SLC25A21: variants seen among roughly 807,000 people sequenced by gnomAD.
SLC25A21 encodes mitochondrial 2-oxodicarboxylate carrier.
A neutral mutation model predicts 43.8 loss-of-function variants in SLC25A21; 47 were observed. The ratio of observed to expected loss-of-function variants is 1.07; its 90% CI spans 0.85 to 1.37. The LOEUF (loss-of-function observed/expected upper bound fraction) is 1.37. Among genes scored for constraint, SLC25A21 ranks in the 40% most tolerant of loss-of-function variants. SLC25A21 has a pLI of 0.00. For missense variants in SLC25A21, 352 were observed against 350.2 expected, an observed-to-expected ratio of 1.00 and a Z score of -0.04; for synonymous variants, 131 against 121.3, an observed-to-expected ratio of 1.08 and a Z score of -0.52.
At chr14:37,042,578 A>G (rs1535239) in intron 1 of SLC25A21, among the ~76,000 whole-genome samples, 36,768 of 152,180 alleles carry the variant, frequency 0.24, 4,863 homozygotes, top group Non-Finnish European at 0.29. Flanking sequence ...AATATGTAAA[A>G]TATGTCTGTA....
chr14:37,079,058 T>G (rs1011005801), intron 1 of SLC25A21, among the ~76,000 whole-genome samples: 10 of 152,220 alleles, frequency 6.6e-5, no homozygotes, highest in African/African-American at 2.4e-4. Context: ...TAATAGTTTC[T>G]TTAAATCATC....
chr14:36,894,261 TG>T (rs1249653424), intron 1 of SLC25A21, among the ~76,000 whole-genome samples: 5 of 152,156 alleles, frequency 3.3e-5, no homozygotes, highest in African/African-American at 1.2e-4. Flanking sequence ...TCACATCCCT[TG>T]TAAGTTGGAT....
intron 3 of SLC25A21, among the ~76,000 whole-genome samples, chr14:36,767,512 T>C (rs1886459136): frequency 6.6e-6 from 1 of 152,222 alleles, no homozygotes; most frequent in Admixed American, 6.5e-5. Flanking sequence ...ATAAATTGTG[T>C]GGTACTTTGG....
intron 1 of SLC25A21, among the ~76,000 whole-genome samples, chr14:36,923,706 G>C (rs1030450657): frequency 2.6e-5 from 4 of 152,012 alleles, no homozygotes; most frequent in Non-Finnish European, 5.9e-5. Flanking sequence ...CCATGGGTTC[G>C]CATCCTCAGA....
chr14:36,824,011 G>A (rs1312706274), intron 2 of SLC25A21, among the ~76,000 whole-genome samples: 2 of 152,172 alleles, frequency 1.3e-5, no homozygotes, highest in Admixed American at 1.3e-4. Flanking sequence ...CCTGGGAACT[G>A]AGCCACTCTA....
At chr14:36,897,309 C>T (rs985572143) in intron 1 of SLC25A21, among the ~76,000 whole-genome samples, 1 of 152,154 alleles carries the variant, frequency 6.6e-6, no homozygotes, top group Admixed American at 6.5e-5. Flanking sequence ...TCACTGATAC[C>T]CTTTCTTCCA....
At chr14:37,083,554 A>G (rs2138841202) in intron 1 of SLC25A21, among the ~76,000 whole-genome samples, 1 of 152,344 alleles carries the variant, frequency 6.6e-6, no homozygotes, top group South Asian at 2.1e-4. Context: ...AAAGATGCGG[A>G]AAGGATATTT....
chr14:36,853,101 G>A (rs1354750292), intron 2 of SLC25A21, among the ~76,000 whole-genome samples: 1 of 152,104 alleles, frequency 6.6e-6, no homozygotes, highest in African/African-American at 2.4e-5. Flanking sequence ...AAGGAATTTG[G>A]CACTAAGACC....
chr14:36,905,008 C>T lies in SLC25A21; in HGVS notation c.71-30004G>A, dbSNP rs376415974. On this transcript the variant is annotated intron_variant, in intron 1 of 9. Coordinates refer to ENST00000331299, the MANE Select transcript of SLC25A21 (RefSeq NM_030631.4). The stretch of plus-strand genomic sequence containing the variant: ...TATTTAGATATGATTAGAATGAATC[C>T]TACTCCCTTCCAAAATAATTGTTAA... Among the ~76,000 whole-genome samples, 11 of 152,228 alleles carry T rather than the reference C, an allele frequency of 7.2e-5. No individual in the cohort carries two copies. The East Asian group carries it at 1.7e-3, about 24-fold the overall frequency.
intron 1 of SLC25A21, among the ~76,000 whole-genome samples, chr14:36,960,692 C>A (rs543428934): frequency 1.2e-3 from 184 of 152,200 alleles, no homozygotes; most frequent in Non-Finnish European, 2.2e-3. Flanking sequence ...ACCTTTATGG[C>A]AAATCCCTCT....
At chr14:36,846,258 G>A (rs971641733) in intron 2 of SLC25A21, among the ~76,000 whole-genome samples, 1 of 152,148 alleles carries the variant, frequency 6.6e-6, no homozygotes, top group Non-Finnish European at 1.5e-5. Flanking sequence ...TCTATACGAA[G>A]CATGAGAGAA....
chr14:36,840,652 C>T (rs903313998), intron 2 of SLC25A21, among the ~76,000 whole-genome samples: 2 of 152,162 alleles, frequency 1.3e-5, no homozygotes, highest in Admixed American at 6.5e-5. Context: ...AGGCTTTGAA[C>T]AACCAAATGT....
intron 3 of SLC25A21, among the ~76,000 whole-genome samples, chr14:36,740,631 C>CA (rs1885215064): frequency 1.4e-5 from 1 of 70,380 alleles, no homozygotes; most frequent in Non-Finnish European, 3.3e-5. Context: ...AACCCCCCCA[C>CA]CCCCATCTTA....
chr14:36,690,697 G>C (rs1290729182), intron 7 of SLC25A21, among the ~76,000 whole-genome samples: 3 of 152,126 alleles, frequency 2.0e-5, no homozygotes, highest in Non-Finnish European at 4.4e-5. Context: ...ACTGAAGTGG[G>C]GGTGTGAAAA....
At chr14:36,785,245 G>C (rs1887205331) in intron 3 of SLC25A21, among the ~76,000 whole-genome samples, 1 of 152,188 alleles carries the variant, frequency 6.6e-6, no homozygotes, top group Non-Finnish European at 1.5e-5. Context: ...CTCTTCAACT[G>C]CTTCATCTTT....
intron 1 of SLC25A21, among the ~76,000 whole-genome samples, chr14:36,941,643 A>G (rs1465634921): frequency 2.6e-5 from 4 of 151,800 alleles, no homozygotes; most frequent in African/African-American, 9.7e-5. Context: ...AATATATAAA[A>G]TTAAATATAA....
At chr14:36,891,714 T>G (rs1167607160) in intron 1 of SLC25A21, among the ~76,000 whole-genome samples, 1 of 152,130 alleles carries the variant, frequency 6.6e-6, no homozygotes, top group African/African-American at 2.4e-5. Context: ...TGTGACTAAC[T>G]TTTCACCTAT....
intron 1 of SLC25A21, among the ~76,000 whole-genome samples, chr14:37,146,483 G>A (rs1265625004): frequency 6.6e-6 from 1 of 152,150 alleles, no homozygotes; most frequent in Non-Finnish European, 1.5e-5. Flanking sequence ...CTGACCTCAA[G>A]AGATCCGCCT....
intron 2 of SLC25A21, among the ~76,000 whole-genome samples, chr14:36,831,527 A>G (rs938761996): frequency 6.6e-6 from 1 of 152,300 alleles, no homozygotes; most frequent in East Asian, 1.9e-4. Context: ...ATCAGGGTAT[A>G]TGGGGAGACT....
Sources: allele counts gnomAD v4.1 joint callset (sites outside exome capture counted in the v4.1 genomes callset), GRCh38; gene constraint gnomAD v4.1.1; transcripts MANE v1.5; gene names NCBI Gene and HGNC (gene_info 2026-07-23, HGNC 2026-07-21).